The following KCNQ1OT1 variants were observed in gnomAD, a reference collection of about 807,000 sequenced individuals.
KCNQ1OT1 encodes the protein KCNQ1 opposite strand/antisense transcript 1, also known as KCNQ1 antisense RNA 2 (non-protein coding).
chr11:2,684,970 T>A (rs1301288972), exon 1 of KCNQ1OT1: 1 of 398,580 alleles, frequency 2.5e-6, no homozygotes, highest in Non-Finnish European at 4.4e-6. Flanking sequence ...GTGAAATGGC[T>A]TCCAATTTTA....
rs1475511696 is a variant in KCNQ1OT1 at position 2,653,663 on chromosome 11, C to T, written n.46332G>A. 2 of 398,572 alleles carry T rather than the reference C, an allele frequency of 5.0e-6. No homozygotes were observed. Among genetic ancestry groups the T allele is most frequent in the Non-Finnish European group, 8.8e-6 (2 of 226,112 alleles). 24.7% of individuals were successfully genotyped at this position (398,572 alleles called of 1,614,324 possible). ...TTTCTAAAAGGGGCAAAATGGCCAC[C>T]AGCTTGCATTCAACAGCTCAGGAAG... On this transcript the variant is annotated non_coding_transcript_exon_variant, in exon 1 of 1. Transcript: ENST00000597346. The surrounding 1 kb of genome is among the most constrained non-coding windows in gnomAD (Gnocchi z 5.3).
exon 1 of KCNQ1OT1, chr11:2,666,911 TC>T: frequency 2.5e-6 from 1 of 398,654 alleles, no homozygotes; most frequent in Non-Finnish European, 4.4e-6. Context: ...CAGTGTCCTG[TC>T]TTCTGCAAAG....
Position 2,670,835 on chromosome 11 carries a change from C to G in KCNQ1OT1, n.29160G>C. The G allele has an allele frequency of 2.5e-6, 1 of 398,606 alleles. No individual in the cohort carries two copies. The highest frequency in any genetic ancestry group is 4.4e-6 in the Non-Finnish European group (1 of 226,074). The allele number at this position is 398,606 out of a possible 1,614,324, so 24.7% of individuals were successfully genotyped here. A position where few individuals can be genotyped will look rare whatever the true frequency, so the allele number is the denominator to read the frequency against. On this transcript the variant is annotated non_coding_transcript_exon_variant, in exon 1 of 1. Transcript: ENST00000597346. The surrounding 1 kb of genome is among the most constrained non-coding windows in gnomAD (Gnocchi z 4.9). ...TGCATCATAAACCTGGTGCCACCAG[C>G]CAAGGAGGTCAAAGGTCCTCACTGG... is the stretch of plus-strand genomic sequence containing the variant.
exon 1 of KCNQ1OT1, chr11:2,641,030 A>G: frequency 2.5e-6 from 1 of 398,500 alleles, no homozygotes; most frequent in African/African-American, 2.1e-5. Context: ...ATTCCATTGT[A>G]TATATTTACC....
At chr11:2,630,577 T>C in exon 1 of KCNQ1OT1, 2 of 398,378 alleles carry the variant, frequency 5.0e-6, no homozygotes, top group Non-Finnish European at 4.4e-6. Flanking sequence ...TTTTTAATTA[T>C]TTTTCTTTTA....
rs1004146759 is a variant in KCNQ1OT1 at position 2,608,649 on chromosome 11, A to T, written n.91346T>A. 1.0e-5 allele frequency: 4 copies of T among 398,392 alleles called. No homozygotes were observed. Among genetic ancestry groups the T allele is most frequent in the African/African-American group, 2.1e-5 (1 of 48,574 alleles). 24.7% of individuals were successfully genotyped at this position (398,392 alleles called of 1,614,324 possible). A position where few individuals can be genotyped will look rare whatever the true frequency, so the allele number is the denominator to read the frequency against. ...CTGTTATTCAAAAAATATTTTGTAGAGATAGGGTCTTGCTTTGTTGTGCAT... is the reference window on the plus strand; with the variant it reads ...CTGTTATTCAAAAAATATTTTGTAGTGATAGGGTCTTGCTTTGTTGTGCAT... On this transcript the variant is annotated non_coding_transcript_exon_variant, in exon 1 of 1. Transcript: ENST00000597346. The surrounding 1 kb of genome is among the most constrained non-coding windows in gnomAD (Gnocchi z 4.6).
exon 1 of KCNQ1OT1, chr11:2,689,455 C>T (rs1850552517): frequency 7.5e-6 from 3 of 398,650 alleles, no homozygotes; most frequent in Non-Finnish European, 1.3e-5. Context: ...ATGACACTCC[C>T]AGAGACCTCT....
At chr11:2,694,643 T>G (rs1850643814) in exon 1 of KCNQ1OT1, 1 of 398,486 alleles carries the variant, frequency 2.5e-6, no homozygotes, top group African/African-American at 2.1e-5. Flanking sequence ...AACAGAAATC[T>G]GTGACACACC....
Position 2,644,254 on chromosome 11 carries a change from A to G in KCNQ1OT1, n.55741T>C, listed in dbSNP as rs147391446. ...TCACCTTATGGCATCCTATAGTCAC[A>G]TAGCCTTTGTTCATTCTTTTCTATT... On this transcript the variant is annotated non_coding_transcript_exon_variant, in exon 1 of 1. Transcript: ENST00000597346. The G allele has an allele frequency of 2.5e-3, 981 of 398,474 alleles. 4 individuals are homozygous for G. The highest frequency in any genetic ancestry group is 0.018 in the African/African-American group (878 of 48,724). 24.7% of individuals were successfully genotyped at this position (398,474 alleles called of 1,614,324 possible).
exon 1 of KCNQ1OT1, chr11:2,666,563 T>C (rs1850071956): frequency 2.5e-6 from 1 of 398,668 alleles, no homozygotes; most frequent in Non-Finnish European, 4.4e-6. Flanking sequence ...ATTCTGCATT[T>C]GTCAGCAAGG....
In KCNQ1OT1 at chr11:2,617,366, A is replaced by G. The variant is rs1276849619; in HGVS notation, n.82629T>C. ...TATATGGCTTATTTAACTTAGCACA[A>G]TGTCTTCCAGTTTCATCCATGTGGC... On this transcript the variant is annotated non_coding_transcript_exon_variant, in exon 1 of 1. Transcript: ENST00000597346. This position sits in a 1 kb window ranked among gnomAD's most constrained non-coding sequence, Gnocchi z 4.6. 3 of 398,326 alleles carry G rather than the reference A, an allele frequency of 7.5e-6. No individual in the cohort carries two copies. The highest frequency in any genetic ancestry group is 2.1e-5 in the African/African-American group (1 of 48,630). 24.7% of individuals were successfully genotyped at this position (398,326 alleles called of 1,614,324 possible). A position where few individuals can be genotyped will look rare whatever the true frequency, so the allele number is the denominator to read the frequency against.
rs146056271 is a variant in KCNQ1OT1 at position 2,645,088 on chromosome 11, C to T, written n.54907G>A. The T allele has an allele frequency of 1.4e-4, 57 of 398,604 alleles. No individual in the cohort carries two copies. In the East Asian group the frequency reaches 1.9e-3, roughly 13 times the overall value. The allele number at this position is 398,604 out of a possible 1,614,324, so 24.7% of individuals were successfully genotyped here. On this transcript the variant is annotated non_coding_transcript_exon_variant, in exon 1 of 1. Coordinates refer to ENST00000597346, the Ensembl canonical transcript of KCNQ1OT1. This position sits in a 1 kb window ranked among gnomAD's most constrained non-coding sequence, Gnocchi z 5.8. ...AGCTGGGCCACAGGGTGGGTAGGTC[C>T]TTGAGCTCTGAGCAGCAGATATGGC...
At position 2,623,027 on chromosome 11, in the gene KCNQ1OT1, G is replaced by T; in HGVS notation, n.76968C>A. The T allele has an allele frequency of 2.5e-6, 1 of 398,600 alleles. No homozygotes were observed. The highest frequency in any genetic ancestry group is 1.3e-4 in the South Asian group (1 of 7,776). 24.7% of individuals were successfully genotyped at this position (398,600 alleles called of 1,614,324 possible). A position where few individuals can be genotyped will look rare whatever the true frequency, so the allele number is the denominator to read the frequency against. ...TTGAACTGTAATCCCCATGTGTCAG[G>T]GGAGGGGCCTGGTGGGGGGCAAACT... On this transcript the variant is annotated non_coding_transcript_exon_variant, in exon 1 of 1. Transcript: ENST00000597346. The surrounding 1 kb of genome is among the most constrained non-coding windows in gnomAD (Gnocchi z 5.2).
chr11:2,626,068 C>T lies in KCNQ1OT1; in HGVS notation n.73927G>A. 1 of 398,542 alleles carries T rather than the reference C, an allele frequency of 2.5e-6. No homozygotes were observed. The highest frequency in any genetic ancestry group is 4.4e-6 in the Non-Finnish European group (1 of 226,040). The allele number at this position is 398,542 out of a possible 1,614,324, so 24.7% of individuals were successfully genotyped here. A position where few individuals can be genotyped will look rare whatever the true frequency, so the allele number is the denominator to read the frequency against. Reference sequence around the variant, plus strand: ...AATTTATCTAGTTTTACTTTTATTGCCTGTGCAAGTACAATTTATCTATTT... The same window carrying T: ...AATTTATCTAGTTTTACTTTTATTGTCTGTGCAAGTACAATTTATCTATTT... On this transcript the variant is annotated non_coding_transcript_exon_variant, in exon 1 of 1. Coordinates refer to ENST00000597346, the Ensembl canonical transcript of KCNQ1OT1. The surrounding 1 kb of genome is among the most constrained non-coding windows in gnomAD (Gnocchi z 4.0).
chr11:2,610,825 C>G (rs1848969319), exon 1 of KCNQ1OT1: 1 of 370,868 alleles, frequency 2.7e-6, no homozygotes, highest in Non-Finnish European at 4.7e-6. Context: ...CCACATTTGT[C>G]TCCCTGACAC....
chr11:2,633,409 C>T (rs1342269058), exon 1 of KCNQ1OT1: 3 of 398,362 alleles, frequency 7.5e-6, no homozygotes, highest in Non-Finnish European at 1.3e-5. Context: ...GTTTTTGTTG[C>T]CTGTGCTTAT....
At chr11:2,636,090 A>G (rs972862598) in exon 1 of KCNQ1OT1, 1 of 152,192 alleles carries the variant, frequency 6.6e-6, no homozygotes, top group African/African-American at 2.4e-5. Context: ...TTGGGCTGAG[A>G]TGATGGGGTT....
At chr11:2,632,751 C>T (rs1418112828) in exon 1 of KCNQ1OT1, 1 of 398,292 alleles carries the variant, frequency 2.5e-6, no homozygotes, top group East Asian at 3.6e-5. Context: ...AATGACAGGA[C>T]TTAATGCTTT....
Position 2,653,637 on chromosome 11 carries a change from C to T in KCNQ1OT1, n.46358G>A. ...GGATGGCTGTATCCTTAGGCAGCTACTTTCTAAAAGGGGCAAAATGGCCAC... is the reference window on the plus strand; with the variant it reads ...GGATGGCTGTATCCTTAGGCAGCTATTTTCTAAAAGGGGCAAAATGGCCAC... On this transcript the variant is annotated non_coding_transcript_exon_variant, in exon 1 of 1. Transcript: ENST00000597346. The surrounding 1 kb of genome is among the most constrained non-coding windows in gnomAD (Gnocchi z 5.3). The T allele has an allele frequency of 2.5e-6, 1 of 398,642 alleles. No individual in the cohort carries two copies. Among genetic ancestry groups the T allele is most frequent in the East Asian group, 3.6e-5 (1 of 28,082 alleles). The allele number at this position is 398,642 out of a possible 1,614,324, so 24.7% of individuals were successfully genotyped here.
Sources: allele counts gnomAD v4.1 joint callset, GRCh38; gene constraint gnomAD v4.1.1; non-coding constraint Gnocchi (gnomAD v3.1); transcripts MANE v1.5; gene names NCBI Gene and HGNC (gene_info 2026-07-23, HGNC 2026-07-21).